The following ATG7 variants were observed in gnomAD, a reference collection of about 807,000 sequenced individuals.
The protein encoded by ATG7 is autophagy related 7.
Under a neutral mutation model 82.4 loss-of-function variants are expected in ATG7, and 70 were observed. That is an observed-to-expected ratio of 0.85 (90% CI 0.70 to 1.04). ATG7 has a LOEUF of 1.04. Ranked by LOEUF, ATG7 falls within the 50% of genes least tolerant of loss-of-function variation. The pLI is 0.00. For synonymous variants in ATG7, 287 were observed against 313.0 expected, an observed-to-expected ratio of 0.92 and a Z score of 0.88; for missense variants, 792 against 864.3, an observed-to-expected ratio of 0.92 and a Z score of 1.05.
intron 20 of ATG7, among the ~76,000 whole-genome samples, chr3:11,526,954 T>G (rs2092590506): frequency 1.3e-5 from 2 of 151,710 alleles, no homozygotes; most frequent in African/African-American, 4.8e-5. Flanking sequence ...TCTTTTGAGA[T>G]GTTTAATTTT....
chr3:11,282,952 A>G (rs1210203728), intron 3 of ATG7, among the ~76,000 whole-genome samples: 1 of 152,190 alleles, frequency 6.6e-6, no homozygotes, highest in Non-Finnish European at 1.5e-5. Context: ...GCTTATTTTA[A>G]TGACTGCCAG....
chr3:11,410,861 T>C (rs1172695913), intron 19 of ATG7, among the ~76,000 whole-genome samples: 1 of 152,228 alleles, frequency 6.6e-6, no homozygotes, highest in South Asian at 2.1e-4. Context: ...AATAATGCTG[T>C]TATGTACATG....
the ATG7 span, chr3:11,568,603 A>C: frequency 6.4e-7 from 1 of 1,567,200 alleles, no homozygotes; most frequent in Non-Finnish European, 8.7e-7. The surrounding 1 kb of genome is among the most constrained non-coding windows in gnomAD (Gnocchi z 5.9). Context: ...TACATTACTC[A>C]CATTTCCAGC....
chr3:11,332,179 T>A (rs1339664002), intron 10 of ATG7, among the ~76,000 whole-genome samples: 1 of 33,520 alleles, frequency 3.0e-5, no homozygotes, highest in Non-Finnish European at 5.5e-5. Flanking sequence ...ATATCCCTTA[T>A]GATGAAATGT....
chr3:11,566,733 C>A, the ATG7 span, among the ~76,000 whole-genome samples: 1 of 152,000 alleles, frequency 6.6e-6, no homozygotes, highest in Non-Finnish European at 1.5e-5. Context: ...AATCCCAAGG[C>A]GCCCCGTGCA....
rs773708978 is a variant in ATG7 at position 11,347,889 on chromosome 3, A to C, written c.1138A>C (p.Arg380=). ...TGTTTCCACACAGGGTTGGGGCGTG[A>C]GACACATCACATTTGTGGACAATGC... ...VARTLMGWGV[R]HITFVDNAKI... The change falls in exon 14 of 21, where the codon AGA becomes CGA. Residue 380 remains arginine (R), a synonymous_variant. Coordinates refer to ENST00000693202, the MANE Select transcript of ATG7 (RefSeq NM_001349232.2). 6.2e-7 allele frequency: 1 copy of C among 1,614,030 alleles called. No homozygotes were observed. The highest frequency in any genetic ancestry group is 8.5e-7 in the Non-Finnish European group (1 of 1,179,946).
downstream of ATG7, among the ~76,000 whole-genome samples, chr3:11,560,098 C>T (rs527526205): frequency 6.6e-6 from 1 of 152,218 alleles, no homozygotes; most frequent in East Asian, 1.9e-4. Context: ...TCCCCTTGTT[C>T]CTTCAAGCCC....
At chr3:11,519,253 C>T (rs1391330691) in intron 20 of ATG7, among the ~76,000 whole-genome samples, 1 of 151,990 alleles carries the variant, frequency 6.6e-6, no homozygotes, top group Non-Finnish European at 1.5e-5. Context: ...AAAAACTAAC[C>T]ATTATATTGT....
At chr3:11,561,154 T>G (rs2072959739), downstream of ATG7, among the ~76,000 whole-genome samples, 1 of 151,770 alleles carries the variant, frequency 6.6e-6, no homozygotes, top group African/African-American at 2.4e-5. Flanking sequence ...CCAATAAAAC[T>G]CCCTTTTGTG....
chr3:11,325,671 CAA>C (rs879330549), intron 9 of ATG7, among the ~76,000 whole-genome samples: 2 of 103,800 alleles, frequency 1.9e-5, no homozygotes, highest in Non-Finnish European at 2.2e-5. Flanking sequence ...AACTACATCT[CAA>C]AAAAAAAAAA....
chr3:11,525,092 A>G (rs2092542286), intron 20 of ATG7, among the ~76,000 whole-genome samples: 1 of 151,938 alleles, frequency 6.6e-6, no homozygotes, highest in South Asian at 2.1e-4. Flanking sequence ...GCTGGAGTGC[A>G]GTGGCGCGAT....
chr3:11,412,509 A>G (rs2081008509), intron 19 of ATG7, among the ~76,000 whole-genome samples: 1 of 152,132 alleles, frequency 6.6e-6, no homozygotes, highest in Admixed American at 6.6e-5. Context: ...TCGTTGGTCT[A>G]TGAATATGTC....
At chr3:11,277,739 G>C (rs1475741620) in intron 1 of ATG7, among the ~76,000 whole-genome samples, 3 of 152,042 alleles carry the variant, frequency 2.0e-5, no homozygotes, top group Non-Finnish European at 4.4e-5. Context: ...CAGAAAACAG[G>C]GTTCGAGAGC....
intron 18 of ATG7, among the ~76,000 whole-genome samples, chr3:11,375,104 A>C (rs1166750938): frequency 6.6e-6 from 1 of 151,796 alleles, no homozygotes; most frequent in African/African-American, 2.4e-5. Flanking sequence ...AGTCCCAGCT[A>C]CTGGAGAGGC....
In ATG7 at chr3:11,397,755, C is replaced by T. The variant is rs187281270; in HGVS notation, c.1956+17703C>T. Among the ~76,000 whole-genome samples, 15 of 116,216 alleles carry T rather than the reference C, an allele frequency of 1.3e-4. No individual in the cohort carries two copies. In the East Asian group the frequency reaches 2.3e-3, roughly 18 times the overall value. The allele number at this position is 116,216 out of a possible 152,430, so 76.2% of individuals were successfully genotyped here. A position where few individuals can be genotyped will look rare whatever the true frequency, so the allele number is the denominator to read the frequency against. Reference sequence around the variant, plus strand: ...TACAGGCGTGCACCCACGCCCAGCCCGGAAATAAATGATTTATAATCACAA... The same window carrying T: ...TACAGGCGTGCACCCACGCCCAGCCTGGAAATAAATGATTTATAATCACAA... On this transcript the variant is annotated intron_variant, in intron 19 of 20. Transcript: ENST00000693202.
intron 9 of ATG7, among the ~76,000 whole-genome samples, chr3:11,324,813 C>T (rs1001383070): frequency 3.3e-5 from 5 of 152,038 alleles, no homozygotes; most frequent in African/African-American, 4.8e-5. Flanking sequence ...AAAGCCTAGA[C>T]CCCGAGAATA....
chr3:11,355,269 T>C (rs2075855646), intron 14 of ATG7, among the ~76,000 whole-genome samples: 1 of 152,188 alleles, frequency 6.6e-6, no homozygotes, highest in Admixed American at 6.5e-5. Context: ...TGAGCCCTTA[T>C]GTGATACCCA....
At chr3:11,444,028 C>A (rs1366637218) in intron 20 of ATG7, among the ~76,000 whole-genome samples, 2 of 152,116 alleles carry the variant, frequency 1.3e-5, no homozygotes, top group East Asian at 3.9e-4. Flanking sequence ...GGGTCTTAAA[C>A]AATATAATTC....
intron 20 of ATG7, among the ~76,000 whole-genome samples, chr3:11,506,572 AAAAAAAAAAAAACCC>A (rs1464555467): frequency 5.9e-5 from 8 of 136,600 alleles, no homozygotes; most frequent in Non-Finnish European, 9.3e-5. Context: ...AAAAAAAAAA[AAAAAAAAAAAAACCC>A]AAAAATTAGC....
Sources: allele counts gnomAD v4.1 joint callset (sites outside exome capture counted in the v4.1 genomes callset), GRCh38; gene constraint gnomAD v4.1.1; non-coding constraint Gnocchi (gnomAD v3.1); transcripts MANE v1.5; gene names NCBI Gene and HGNC (gene_info 2026-07-23, HGNC 2026-07-21).